ACE: variants seen among roughly 807,000 people sequenced by gnomAD.
The protein encoded by ACE is angiotensin-converting enzyme.
A neutral mutation model predicts 162.3 loss-of-function variants in ACE; 122 were observed. The observed-to-expected ratio is 0.75, with a 90% CI of 0.65 to 0.87. The LOEUF (loss-of-function observed/expected upper bound fraction) is 0.87. Ranked by LOEUF, ACE falls within the 40% of genes least tolerant of loss-of-function variation. The pLI, the probability that ACE is intolerant of heterozygous loss-of-function variation, is 0.00. For synonymous variants in ACE, 796 were observed against 720.6 expected (o/e 1.10, Z -1.68); for missense variants, 1,799 against 1,735.1 (o/e 1.04, Z -0.65).
At chr17:63,478,554 T>A (rs953874711) in intron 2 of ACE, 13 of 313,708 alleles carry the variant, frequency 4.1e-5, no homozygotes, top group African/African-American at 2.8e-4. Flanking sequence ...TCCCAGCTAC[T>A]CTTGAAACTG....
chr17:63,483,401 G>C, intron 9 of ACE, 59 bp from the exon 10 acceptor site: 1 of 1,540,286 alleles, frequency 6.5e-7, no homozygotes, highest in Non-Finnish European at 9.0e-7. Context: ...TTCTACAAAA[G>C]TTAAATCCAT....
At chr17:63,485,762 G>C (rs896288899) in intron 13 of ACE, 2 of 161,978 alleles carry the variant, frequency 1.2e-5, no homozygotes, top group Admixed American at 6.9e-5. Flanking sequence ...GCGACAGAGC[G>C]AGACTCCATC....
intron 21 of ACE, 37 bp from the exon 22 acceptor site, chr17:63,494,335 C>G: frequency 6.2e-7 from 1 of 1,600,496 alleles, no homozygotes; most frequent in Non-Finnish European, 8.6e-7. Flanking sequence ...CTGGTTCTCC[C>G]CAAACTCATC....
intron 22 of ACE, 75 bp downstream of exon 22, chr17:63,494,545 C>T (rs534539181): frequency 6.6e-5 from 89 of 1,345,514 alleles, no homozygotes; most frequent in East Asian, 2.9e-4. Flanking sequence ...GGCCACTGCC[C>T]GGTCCACAAG....
Position 63,484,503 on chromosome 17 carries a change from G to A in ACE, c.1883G>A (p.Trp628Ter), listed in dbSNP as rs745879536. The A allele has an allele frequency of 1.2e-6, 2 of 1,601,510 alleles. No homozygotes were observed. The highest frequency in any genetic ancestry group is 2.2e-5 in the South Asian group (2 of 90,080). ...GTCCTGGGCTGGCCCGAGTACCAGTGGCACCCGCCGTTGCCTGACAACTAC... is the reference window on the plus strand; with the variant it reads ...GTCCTGGGCTGGCCCGAGTACCAGTAGCACCCGCCGTTGCCTGACAACTAC... ...GEVLGWPEYQWHPPLPDNYPE... is the reference protein window; with the variant it reads ...GEVLGWPEYQ Residue 628 changes from tryptophan to a stop codon, truncating the protein, a stop_gained, in exon 12 of 25, where the codon TGG becomes TAG. Transcript: ENST00000290866. LOFTEE classifies it high-confidence loss of function. The surrounding 1 kb of genome is among the most constrained non-coding windows in gnomAD (Gnocchi z 4.0).
At chr17:63,480,281 G>T in intron 4 of ACE, 56 bp from the exon 5 acceptor site, 1 of 1,586,894 alleles carries the variant, frequency 6.3e-7, no homozygotes, top group East Asian at 2.2e-5. Context: ...TTACAGCTGA[G>T]AGGCTGAGGT....
chr17:63,489,674 A>G (rs2147557277), intron 17 of ACE, among the ~76,000 whole-genome samples: 1 of 152,322 alleles, frequency 6.6e-6, no homozygotes, highest in East Asian at 1.9e-4. Flanking sequence ...GTAGGCGGTG[A>G]GGACAGTAAG....
rs1345988549 is a variant in ACE at position 63,481,074 on chromosome 17, C to T, written c.848-17C>T. ...GCCAGGCAGGGAGCCAAGCTGTCCC[C>T]TTCCTTCCTTATCTAGGAGACATGT... On this transcript the variant is annotated splice_polypyrimidine_tract_variant and intron_variant, in intron 5 of 24. Coordinates refer to ENST00000290866, the MANE Select transcript of ACE (RefSeq NM_000789.4). 6.2e-7 allele frequency: 1 copy of T among 1,612,876 alleles called. No homozygotes were observed.
chr17:63,477,417 G>C, intron 1 of ACE, 74 bp downstream of exon 1: 1 of 1,137,834 alleles, frequency 8.8e-7, no homozygotes, highest in Non-Finnish European at 1.1e-6. Flanking sequence ...GGCTTGTGGG[G>C]CGGGCAGGCT....
chr17:63,484,604 G>A lies in ACE; in HGVS notation c.1921+63G>A. The A allele has an allele frequency of 6.5e-7, 1 of 1,539,054 alleles. No individual in the cohort carries two copies. Among genetic ancestry groups the A allele is most frequent in the Non-Finnish European group, 8.8e-7 (1 of 1,140,112 alleles). ...GGTCCTCAACTCTGGGCTTGGCCCA[G>A]GCCCCAGGTTCCTGGTCAGCTCCTA... On this transcript the variant is annotated intron_variant, in intron 12 of 24. Transcript: ENST00000290866. This position sits in a 1 kb window ranked among gnomAD's most constrained non-coding sequence, Gnocchi z 4.0.
chr17:63,493,404 C>T (rs2030509850), intron 19 of ACE, 32 bp from the exon 20 acceptor site: 1 of 1,607,352 alleles, frequency 6.2e-7, no homozygotes, highest in South Asian at 1.1e-5. Flanking sequence ...TGTCCTCTCC[C>T]AACACCCTCT....
rs142566653 is a variant in ACE at position 63,497,550 on chromosome 17, C to A, written c.*184C>A. 7 of 708,564 alleles carry A rather than the reference C, an allele frequency of 9.9e-6. No homozygotes were observed. The highest frequency in any genetic ancestry group is 1.8e-5 in the Non-Finnish European group (7 of 390,990). The allele number at this position is 708,564 out of a possible 1,614,324, so 43.9% of individuals were successfully genotyped here. On this transcript the variant is annotated 3_prime_UTR_variant, in exon 25 of 25. Coordinates refer to ENST00000290866, the MANE Select transcript of ACE (RefSeq NM_000789.4). ...CGCCCCAGCCCCTTCTCCCAGCACA[C>A]GGCTGCCTGACACTGAGCCCCACCT...
At position 63,482,460 on chromosome 17, in the gene ACE, C is replaced by G; in HGVS notation, c.1119-6C>G. 6.2e-7 allele frequency: 1 copy of G among 1,613,774 alleles called. No individual in the cohort carries two copies. Among genetic ancestry groups the G allele is most frequent in the Non-Finnish European group, 8.5e-7 (1 of 1,179,830 alleles). On this transcript the variant is annotated splice_polypyrimidine_tract_variant and splice_region_variant and intron_variant, in intron 7 of 24. Coordinates refer to ENST00000290866, the MANE Select transcript of ACE (RefSeq NM_000789.4). ...CACTCTCACCCTCGCCCTCTCTACG[C>G]CCCAGGATCAAGCAGTGCACACGGG...
rs2049648205 is a variant in ACE, at chr17:63,478,052, T to C, written c.371T>C (p.Val124Ala). Residue 124 changes from valine to alanine, a missense_variant, in exon 2 of 25, where the codon GTG (valine) becomes GCG (alanine). Coordinates refer to ENST00000290866, the MANE Select transcript of ACE (RefSeq NM_000789.4). ...DPQLRRIIGA[V>A]RTLGSANLPL... Reference sequence around the variant, plus strand: ...CAGCTGCGCAGGATCATCGGAGCTGTGCGCACCCTGGGCTCTGCCAACCTG... The same window carrying C: ...CAGCTGCGCAGGATCATCGGAGCTGCGCGCACCCTGGGCTCTGCCAACCTG... The C allele has an allele frequency of 6.2e-7, 1 of 1,601,710 alleles. No individual in the cohort carries two copies. Among genetic ancestry groups the C allele is most frequent in the African/African-American group, 1.3e-5 (1 of 74,694 alleles).
Position 63,483,134 on chromosome 17 carries a change from C to G in ACE, c.1448C>G (p.Thr483Ser). Residue 483 changes from threonine to serine, a missense_variant, in exon 9 of 25, where the codon ACC (threonine) becomes AGC (serine). Physicochemically the swap from Thr to Ser is moderately conservative, Grantham distance 58. Transcript: ENST00000290866. Reference sequence around the variant, plus strand: ...CGCTGGGGGGTCTTTAGTGGGCGTACCCCCCCTTCCCGCTACAACTTCGAC... The same window carrying G: ...CGCTGGGGGGTCTTTAGTGGGCGTAGCCCCCCTTCCCGCTACAACTTCGAC... Reference protein sequence around the residue: ...QWRWGVFSGRTPPSRYNFDWW... With the variant: ...QWRWGVFSGRSPPSRYNFDWW... The G allele has an allele frequency of 6.2e-7, 1 of 1,613,948 alleles. No individual in the cohort carries two copies. The highest frequency in any genetic ancestry group is 8.5e-7 in the Non-Finnish European group (1 of 1,179,942).
chr17:63,477,124 G>C lies in ACE; in HGVS notation c.30G>C (p.Pro10=), dbSNP rs1244971538. Residue 10 remains proline (P), a synonymous_variant, in exon 1 of 25, where the codon CCG becomes CCC. Transcript: ENST00000290866. MGAASGRRG[P]GLLLPLPLLL... ...GGGCCGCCTCGGGCCGCCGGGGGCC[G>C]GGGCTGCTGCTGCCGCTGCCGCTGC... is the stretch of plus-strand genomic sequence containing the variant. 2.9e-6 allele frequency: 4 copies of C among 1,378,930 alleles called. No individual in the cohort carries two copies. The Admixed American group carries it at 9.6e-5, about 33-fold the overall frequency. 85.4% of individuals were successfully genotyped at this position (1,378,930 alleles called of 1,614,324 possible).
At position 63,477,203 on chromosome 17, in the gene ACE, G is replaced by A. The variant is rs1401848309; in HGVS notation, c.109G>A (p.Gly37Ser). Reference protein sequence around the residue: ...ALALDPGLQPGNFSADEAGAQ... With the variant: ...ALALDPGLQPSNFSADEAGAQ... ...GGCGTTGGACCCCGGGCTGCAGCCCGGCAACTTTTCTGCTGACGAGGCCGG... is the reference window on the plus strand; with the variant it reads ...GGCGTTGGACCCCGGGCTGCAGCCCAGCAACTTTTCTGCTGACGAGGCCGG... The change falls in exon 1 of 25, where the codon GGC (glycine) becomes AGC (serine). Residue 37 changes from glycine to serine, a missense_variant. Coordinates refer to ENST00000290866, the MANE Select transcript of ACE (RefSeq NM_000789.4). 1.3e-6 allele frequency: 2 copies of A among 1,487,426 alleles called. No homozygotes were observed. Among genetic ancestry groups the A allele is most frequent in the East Asian group, 2.9e-5 (1 of 34,384 alleles). 92.1% of individuals were successfully genotyped at this position (1,487,426 alleles called of 1,614,324 possible). A position where few individuals can be genotyped will look rare whatever the true frequency, so the allele number is the denominator to read the frequency against.
In ACE at chr17:63,482,575, C is replaced by T. The variant is rs370836540; in HGVS notation, c.1228C>T (p.Arg410Trp). 21 of 1,613,960 alleles carry T rather than the reference C, an allele frequency of 1.3e-5. No homozygotes were observed. Among genetic ancestry groups the T allele is most frequent in the South Asian group, 1.1e-4 (10 of 91,082 alleles). The part of the protein sequence containing the change: ...QYKDLPVSLR[R>W]GANPGFHEAI... ...CAAGGATCTGCCCGTCTCCCTGCGTCGGGGGGCCAACCCCGGCTTCCATGA... is the reference window on the plus strand; with the variant it reads ...CAAGGATCTGCCCGTCTCCCTGCGTTGGGGGGCCAACCCCGGCTTCCATGA... The change falls in exon 8 of 25, where the codon CGG becomes TGG. Residue 410 changes from arginine to tryptophan, a missense_variant. Transcript: ENST00000290866.
At chr17:63,492,860 AAAAT>A (rs1197578732) in intron 19 of ACE, among the ~76,000 whole-genome samples, 9 of 152,178 alleles carry the variant, frequency 5.9e-5, no homozygotes, top group African/African-American at 1.4e-4. Flanking sequence ...CATTTCATAA[AAAAT>A]AAATAAGTAA....
Sources: allele counts gnomAD v4.1 joint callset (sites outside exome capture counted in the v4.1 genomes callset), GRCh38; gene constraint gnomAD v4.1.1; non-coding constraint Gnocchi (gnomAD v3.1); transcripts MANE v1.5; gene names NCBI Gene and HGNC (gene_info 2026-07-23, HGNC 2026-07-21).